Variants in TBC1D5 observed in about 807,000 individuals in gnomAD.
The protein encoded by TBC1D5 is TBC1 domain family, member 5.
Under a neutral mutation model 100.3 loss-of-function variants are expected in TBC1D5, and 75 were observed. The ratio of observed to expected loss-of-function variants is 0.75; its 90% CI spans 0.62 to 0.91. The LOEUF (loss-of-function observed/expected upper bound fraction) is 0.91. Ranked by LOEUF, TBC1D5 falls within the 40% of genes least tolerant of loss-of-function variation. TBC1D5 has a pLI of 0.00. For synonymous variants in TBC1D5, 323 were observed against 325.6 expected, an observed-to-expected ratio of 0.99 and a Z score of 0.09; for missense variants, 910 against 942.4, an observed-to-expected ratio of 0.97 and a Z score of 0.45.
rs147180759 is a variant in TBC1D5 at position 17,217,009 on chromosome 3, A to G, written c.1589-2639T>C. ...CTTAATCACTGAGAAAAGAAAACTC[A>G]TGGCCATTAGCAGTTATTTCCAGTA... On this transcript the variant is annotated intron_variant, in intron 17 of 21. Coordinates refer to ENST00000253692, the Ensembl canonical transcript of TBC1D5. Among the ~76,000 whole-genome samples, 1,391 of 152,222 alleles carry G rather than the reference A, an allele frequency of 9.1e-3. 23 individuals are homozygous for G. The highest frequency in any genetic ancestry group is 0.031 in the African/African-American group (1,298 of 41,552).
chr3:17,213,200 G>A (rs866192205), intron 18 of TBC1D5, among the ~76,000 whole-genome samples: 4 of 152,222 alleles, frequency 2.6e-5, no homozygotes, highest in Middle Eastern at 6.3e-3. Flanking sequence ...ATGCTATACA[G>A]GTTTGTAGCC....
intron 19 of TBC1D5, among the ~76,000 whole-genome samples, chr3:17,183,241 CCT>C (rs1439463987): frequency 6.6e-6 from 1 of 152,122 alleles, no homozygotes; most frequent in East Asian, 1.9e-4. Flanking sequence ...TCGTTCCTTC[CCT>C]GTTTGCTGTT....
chr3:17,391,025 G>T (rs35234876), intron 8 of TBC1D5, among the ~76,000 whole-genome samples: 1 of 151,992 alleles, frequency 6.6e-6, no homozygotes, highest in African/African-American at 2.4e-5. Flanking sequence ...TGTGGGACCA[G>T]GAAATACACT....
chr3:17,534,184 T>C (rs1464551104), intron 2 of TBC1D5, among the ~76,000 whole-genome samples: 3 of 152,140 alleles, frequency 2.0e-5, no homozygotes, highest in African/African-American at 7.2e-5. Flanking sequence ...ATCACTTTCA[T>C]TTAGGAATTT....
intron 19 of TBC1D5, among the ~76,000 whole-genome samples, chr3:17,181,959 C>T (rs909654226): frequency 5.9e-5 from 9 of 151,984 alleles, no homozygotes; most frequent in African/African-American, 1.4e-4. Flanking sequence ...CACCTTAGTC[C>T]TTCCAATTTT....
intron 21 of TBC1D5, among the ~76,000 whole-genome samples, chr3:17,163,380 G>A (rs1296991853): frequency 6.6e-6 from 1 of 151,668 alleles, no homozygotes; most frequent in African/African-American, 2.4e-5. Context: ...CTCCCACCTA[G>A]AATTTTTTTC....
chr3:17,334,333 A>C (rs2087344774), intron 13 of TBC1D5, among the ~76,000 whole-genome samples: 1 of 152,172 alleles, frequency 6.6e-6, no homozygotes, highest in Non-Finnish European at 1.5e-5. Context: ...ATTGATGTTA[A>C]TTATCAGACT....
At chr3:17,669,419 T>C (rs958819289) in intron 1 of TBC1D5, among the ~76,000 whole-genome samples, 1 of 152,132 alleles carries the variant, frequency 6.6e-6, no homozygotes, top group Admixed American at 6.5e-5. Flanking sequence ...TGAAATAATA[T>C]ATATAGTACA....
chr3:17,243,524 G>T (rs1576232613), intron 16 of TBC1D5, among the ~76,000 whole-genome samples: 1 of 151,664 alleles, frequency 6.6e-6, no homozygotes, highest in Non-Finnish European at 1.5e-5. Context: ...AAAAACAGTA[G>T]TAAGAGCAAA....
intron 18 of TBC1D5, among the ~76,000 whole-genome samples, chr3:17,202,141 A>T (rs571617488): frequency 6.6e-6 from 1 of 152,380 alleles, no homozygotes; most frequent in African/African-American, 2.4e-5. Flanking sequence ...TCAGATAAAG[A>T]TGAGAAACTT....
chr3:17,685,569 C>T (rs1052654914), intron 1 of TBC1D5, among the ~76,000 whole-genome samples: 3 of 151,994 alleles, frequency 2.0e-5, no homozygotes, highest in Non-Finnish European at 4.4e-5. Flanking sequence ...TAAGTTAGAT[C>T]AATCCTTGTT....
intron 3 of TBC1D5, among the ~76,000 whole-genome samples, chr3:17,462,019 T>C (rs1576132506): frequency 6.6e-6 from 1 of 152,174 alleles, no homozygotes; most frequent in East Asian, 1.9e-4. Flanking sequence ...TTTAACATCA[T>C]TCCTACTTTG....
chr3:17,241,145 A>C (rs1214874219), intron 16 of TBC1D5, among the ~76,000 whole-genome samples: 4 of 152,142 alleles, frequency 2.6e-5, no homozygotes, highest in Non-Finnish European at 5.9e-5. Context: ...ATACAGAGAA[A>C]GCAATCTGTC....
chr3:17,695,431 A>T (rs1369436509), intron 1 of TBC1D5, among the ~76,000 whole-genome samples: 1 of 152,182 alleles, frequency 6.6e-6, no homozygotes, highest in Non-Finnish European at 1.5e-5. Context: ...AGCAAAAAAA[A>T]GCAGGGGTTG....
At chr3:17,427,583 G>T (rs9833626) in intron 4 of TBC1D5, among the ~76,000 whole-genome samples, 2,863 of 151,970 alleles carry the variant, frequency 0.019, 86 homozygotes, top group African/African-American at 0.064. Context: ...GTACACAGTG[G>T]TTCTTGCATA....
intron 13 of TBC1D5, among the ~76,000 whole-genome samples, chr3:17,370,683 C>G (rs1004189929): frequency 1.4e-4 from 21 of 152,224 alleles, no homozygotes; most frequent in South Asian, 6.2e-4. Flanking sequence ...AGAAGAAAAA[C>G]AGCTGAGAGT....
At chr3:17,562,475 A>T (rs900403987) in intron 2 of TBC1D5, among the ~76,000 whole-genome samples, 2 of 151,944 alleles carry the variant, frequency 1.3e-5, no homozygotes, top group Non-Finnish European at 2.9e-5. Context: ...AAATTAAAAA[A>T]TTTTTAAATC....
chr3:17,595,548 C>A (rs934229732), intron 2 of TBC1D5, among the ~76,000 whole-genome samples: 1 of 152,116 alleles, frequency 6.6e-6, no homozygotes, highest in African/African-American at 2.4e-5. Flanking sequence ...ATTGAAATGC[C>A]TACTCTGGGA....
chr3:17,646,527 A>G (rs549511583), intron 1 of TBC1D5, among the ~76,000 whole-genome samples: 13 of 152,116 alleles, frequency 8.5e-5, no homozygotes, highest in Non-Finnish European at 1.5e-4. Flanking sequence ...TCCTCTTTCA[A>G]TTACTGAGGC....
Sources: allele counts gnomAD v4.1 joint callset (sites outside exome capture counted in the v4.1 genomes callset), GRCh38; gene constraint gnomAD v4.1.1; transcripts MANE v1.5; gene names NCBI Gene and HGNC (gene_info 2026-07-23, HGNC 2026-07-21).